The following ZNF536 variants were observed in gnomAD, a reference collection of about 807,000 sequenced individuals.
ZNF536 encodes the protein zinc finger protein 536.
Under a neutral mutation model 84.5 loss-of-function variants are expected in ZNF536, and 13 were observed. The ratio of observed to expected loss-of-function variants is 0.15; its 90% CI spans 0.10 to 0.24. ZNF536 has a LOEUF of 0.24. Ranked by LOEUF, ZNF536 falls within the 10% of genes least tolerant of loss-of-function variation. The pLI, the probability that ZNF536 is intolerant of heterozygous loss-of-function variation, is 1.00. For synonymous variants in ZNF536, 811 were observed against 742.5 expected, an observed-to-expected ratio of 1.09 and a Z score of -1.50; for missense variants, 1,536 against 1,747.5, an observed-to-expected ratio of 0.88 and a Z score of 2.16.
At chr19:30,306,190 ATTTTT>A (rs201822113) in intron 2 of ZNF536, among the ~76,000 whole-genome samples, 4 of 132,914 alleles carry the variant, frequency 3.0e-5, no homozygotes, top group Admixed American at 7.6e-5. Flanking sequence ...CCTGGAGAGA[ATTTTT>A]TTTTTTTTTT....
intron 2 of ZNF536, among the ~76,000 whole-genome samples, chr19:30,491,491 A>G (rs1002737409): frequency 6.6e-6 from 1 of 152,182 alleles, no homozygotes; most frequent in Non-Finnish European, 1.5e-5. Flanking sequence ...ATGGCTAAAA[A>G]TAGCTTCCTT....
chr19:30,286,584 G>C (rs1034650830), intron 2 of ZNF536, among the ~76,000 whole-genome samples: 1 of 149,916 alleles, frequency 6.7e-6, no homozygotes, highest in African/African-American at 2.5e-5. Context: ...GACAGACAGA[G>C]AGAGAAAGAG....
In ZNF536 at chr19:30,308,303, G is replaced by A. The variant is rs568717807; in HGVS notation, c.-120+24162G>A. ...GACTGAGATGAACTTGATTGCTGTG[G>A]CATTATTTTAGGGGGACTTGGCGCT... On this transcript the variant is annotated intron_variant, in intron 2 of 5. Coordinates refer to the ZNF536 transcript ENST00000585628. 2.5e-4 allele frequency among the ~76,000 whole-genome samples: 38 copies of A among 152,254 alleles called. No individual in the cohort carries two copies. In the East Asian group the frequency reaches 6.6e-3, roughly 26 times the overall value.
chr19:30,649,033 G>A (rs944674189), intron 1 of ZNF536, among the ~76,000 whole-genome samples: 2 of 152,146 alleles, frequency 1.3e-5, no homozygotes, highest in East Asian at 3.9e-4. Context: ...GGGGTAGGAC[G>A]GCTGGGGTCC....
At chr19:30,387,986 A>G (rs2049415744) in intron 1 of ZNF536, among the ~76,000 whole-genome samples, 1 of 151,766 alleles carries the variant, frequency 6.6e-6, no homozygotes. Flanking sequence ...AGGATGGTCC[A>G]TAGGTGGAGC....
chr19:30,546,658 T>C (rs934605113), intron 3 of ZNF536, among the ~76,000 whole-genome samples: 1 of 152,174 alleles, frequency 6.6e-6, no homozygotes, highest in Non-Finnish European at 1.5e-5. Context: ...TGACGATTTG[T>C]TGTTACTTTT....
intron 1 of ZNF536, among the ~76,000 whole-genome samples, chr19:30,424,604 G>A (rs754369423): frequency 8.5e-5 from 13 of 152,138 alleles, no homozygotes; most frequent in Non-Finnish European, 1.9e-4. Context: ...GAGGGGATGA[G>A]GAGGGGAGGA....
At chr19:30,549,796 T>C (rs971446946) in intron 4 of ZNF536, among the ~76,000 whole-genome samples, 1 of 152,176 alleles carries the variant, frequency 6.6e-6, no homozygotes, top group Non-Finnish European at 1.5e-5. Context: ...GAACTACTCC[T>C]GTTTGCCATC....
Position 30,244,766 on chromosome 19 carries a change from C to T in ZNF536, c.-190+16093C>T, listed in dbSNP as rs564244230. Among the ~76,000 whole-genome samples, 10 of 152,296 alleles carry T rather than the reference C, an allele frequency of 6.6e-5. No individual in the cohort carries two copies. The East Asian group carries it at 9.7e-4, about 15-fold the overall frequency. On this transcript the variant is annotated intron_variant, in intron 1 of 5. Transcript: ENST00000585628. Reference sequence around the variant, plus strand: ...ACTTTGACCAGCGTCTGGCCAGGATCGGGGTGGCGATGTGACCCACCTGAG... The same window carrying T: ...ACTTTGACCAGCGTCTGGCCAGGATTGGGGTGGCGATGTGACCCACCTGAG...
chr19:30,343,418 A>C (rs1226024829), intron 2 of ZNF536, among the ~76,000 whole-genome samples: 2 of 152,138 alleles, frequency 1.3e-5, no homozygotes, highest in East Asian at 3.9e-4. Flanking sequence ...CACAAGTGCT[A>C]CTTACTGATG....
intron 1 of ZNF536, among the ~76,000 whole-genome samples, chr19:30,581,126 AAG>A (rs1175977033): frequency 1.1e-4 from 17 of 152,364 alleles, no homozygotes; most frequent in African/African-American, 3.8e-4. Context: ...TATTTAGAAA[AAG>A]AAATAATAGT....
At chr19:30,349,571 A>G (rs2047864296) in intron 2 of ZNF536, among the ~76,000 whole-genome samples, 1 of 151,958 alleles carries the variant, frequency 6.6e-6, no homozygotes, top group African/African-American at 2.4e-5. Flanking sequence ...CTTGCTACAC[A>G]CTGGTTCCCT....
chr19:30,517,954 G>T (rs914903597), intron 2 of ZNF536, among the ~76,000 whole-genome samples: 2 of 152,168 alleles, frequency 1.3e-5, no homozygotes, highest in African/African-American at 4.8e-5. Flanking sequence ...GGTCATTAAC[G>T]TGGTGGGCAC....
At chr19:30,643,255 A>C (rs1007233526) in intron 1 of ZNF536, among the ~76,000 whole-genome samples, 23 of 152,244 alleles carry the variant, frequency 1.5e-4, no homozygotes, top group Admixed American at 7.2e-4. Flanking sequence ...AATGTCACTG[A>C]ACTTTGCAAG....
At chr19:30,459,940 C>T (rs1177320918) in intron 2 of ZNF536, among the ~76,000 whole-genome samples, 1 of 152,134 alleles carries the variant, frequency 6.6e-6, no homozygotes, top group East Asian at 1.9e-4. Context: ...ACAATTATAA[C>T]CACAGAGGAG....
At chr19:30,583,897 C>G (rs1055711554) in intron 1 of ZNF536, among the ~76,000 whole-genome samples, 4 of 152,172 alleles carry the variant, frequency 2.6e-5, no homozygotes, top group African/African-American at 9.7e-5. Flanking sequence ...CCCTGGTGGT[C>G]AGAAAGGGTT....
At position 30,627,540 on chromosome 19, in the gene ZNF536, G is replaced by C. The variant is rs528188113; in HGVS notation, c.169+78026G>C. Among the ~76,000 whole-genome samples the C allele has an allele frequency of 1.3e-4, 19 of 149,282 alleles. No individual in the cohort carries two copies. The East Asian group carries it at 3.6e-3, about 28-fold the overall frequency. On this transcript the variant is annotated intron_variant, in intron 1 of 1. Transcript: ENST00000592773. Reference sequence around the variant, plus strand: ...CTGGAGCTGGAAGACACAAGAATTGGGTTCCAGCCCTGCCTCCATTGTGCT... The same window carrying C: ...CTGGAGCTGGAAGACACAAGAATTGCGTTCCAGCCCTGCCTCCATTGTGCT...
At chr19:30,353,006 T>G (rs1001278754) in intron 3 of ZNF536, among the ~76,000 whole-genome samples, 1 of 152,224 alleles carries the variant, frequency 6.6e-6, no homozygotes. Context: ...TTCATTCTGA[T>G]AGTAAAACCA....
intron 1 of ZNF536, among the ~76,000 whole-genome samples, chr19:30,661,045 G>A (rs954185866): frequency 6.6e-6 from 1 of 152,164 alleles, no homozygotes; most frequent in African/African-American, 2.4e-5. Flanking sequence ...GAGGCCACCC[G>A]ATGATTCCGT....
Sources: allele counts gnomAD v4.1 joint callset (sites outside exome capture counted in the v4.1 genomes callset), GRCh38; gene constraint gnomAD v4.1.1; transcripts MANE v1.5; gene names NCBI Gene and HGNC (gene_info 2026-07-23, HGNC 2026-07-21).